The following FAM13C variants were observed in gnomAD, a reference collection of about 807,000 sequenced individuals.
The protein encoded by FAM13C is protein FAM13C.
In FAM13C, 37 loss-of-function variants were observed where a neutral mutation model predicts 73.2. The observed-to-expected ratio is 0.51, with a 90% CI of 0.39 to 0.67. FAM13C has a LOEUF of 0.67. Ranked by LOEUF, FAM13C falls within the 30% of genes least tolerant of loss-of-function variation. The pLI is 0.00. For synonymous variants in FAM13C, 246 were observed against 260.9 expected, an observed-to-expected ratio of 0.94 and a Z score of 0.55; for missense variants, 589 against 715.6, an observed-to-expected ratio of 0.82 and a Z score of 2.02.
intron 3 of FAM13C, among the ~76,000 whole-genome samples, chr10:59,332,185 A>G (rs1852080163): frequency 6.6e-6 from 1 of 152,152 alleles, no homozygotes. Flanking sequence ...TAATGTATAT[A>G]TAGTAAGAAC....
At chr10:59,283,691 G>C (rs284618) in intron 5 of FAM13C, 593,186 of 595,636 alleles carry the variant, frequency 1, 295,414 homozygotes, top group East Asian at 1. Context: ...CATGCAGGCT[G>C]AGTTTCTGCC....
chr10:59,274,608 G>A (rs931664499), intron 6 of FAM13C, among the ~76,000 whole-genome samples: 8 of 152,272 alleles, frequency 5.3e-5, no homozygotes, highest in African/African-American at 1.7e-4. Flanking sequence ...AACCCAAGAG[G>A]CAGTTTGCCA....
chr10:59,282,557 C>A (rs1845053506), intron 6 of FAM13C: 1 of 152,114 alleles, frequency 6.6e-6, no homozygotes, highest in Non-Finnish European at 1.5e-5. Context: ...GCCTTCAACT[C>A]CTAGAGATTA....
At chr10:59,355,181 T>TATTG in intron 2 of FAM13C, among the ~76,000 whole-genome samples, 2 of 152,140 alleles carry the variant, frequency 1.3e-5, no homozygotes, top group Non-Finnish European at 2.9e-5. Flanking sequence ...TTCTAGCCTA[T>TATTG]CTCCTCTAGC....
chr10:59,357,014 T>C (rs1385263748), intron 1 of FAM13C, among the ~76,000 whole-genome samples: 1 of 152,202 alleles, frequency 6.6e-6, no homozygotes, highest in East Asian at 1.9e-4. Context: ...CTTACACCAG[T>C]GATTTGCCAG....
At chr10:59,321,431 CCTTT>C (rs772005954) in intron 4 of FAM13C, among the ~76,000 whole-genome samples, 4,590 of 109,708 alleles carry the variant, frequency 0.042, 308 homozygotes, top group African/African-American at 0.11. Context: ...CCTGCCAACA[CCTTT>C]TTTTTTTTTT....
At chr10:59,270,700 A>T (rs1485793373) in intron 6 of FAM13C, among the ~76,000 whole-genome samples, 1 of 152,220 alleles carries the variant, frequency 6.6e-6, no homozygotes, top group Admixed American at 6.5e-5. Flanking sequence ...AAAACAAAAC[A>T]TTCTGTTTTA....
intron 4 of FAM13C, among the ~76,000 whole-genome samples, chr10:59,304,132 A>G (rs557778586): frequency 1.6e-4 from 25 of 152,266 alleles, no homozygotes; most frequent in Admixed American, 1.3e-3. Flanking sequence ...TGAGCGACGG[A>G]GTGAGACTCA....
intron 1 of FAM13C, among the ~76,000 whole-genome samples, chr10:59,360,055 T>A (rs1856204183): frequency 6.6e-6 from 1 of 152,182 alleles, no homozygotes; most frequent in African/African-American, 2.4e-5. Flanking sequence ...GCTGCATAGA[T>A]AGTGCCAGGG....
chr10:59,352,534 A>T (rs576429812), intron 2 of FAM13C, 60 bp from the exon 3 acceptor site: 3 of 1,474,422 alleles, frequency 2.0e-6, no homozygotes, highest in South Asian at 2.6e-5. Flanking sequence ...AAACTGCTGC[A>T]GGAAAGAGGG....
At chr10:59,269,770 T>G in intron 7 of FAM13C, 129 bp downstream of exon 7, 1 of 1,092,604 alleles carries the variant, frequency 9.2e-7, no homozygotes, top group Non-Finnish European at 1.3e-6. Context: ...TTGTCATTTA[T>G]TGTTCCAGTC....
intron 6 of FAM13C, among the ~76,000 whole-genome samples, chr10:59,279,028 C>A (rs1390932931): frequency 1.3e-5 from 2 of 152,200 alleles, no homozygotes; most frequent in Non-Finnish European, 2.9e-5. Context: ...ACCTGAAATG[C>A]TTTCCTATTC....
intron 3 of FAM13C, among the ~76,000 whole-genome samples, chr10:59,352,031 A>G (rs1293599031): frequency 1.3e-5 from 2 of 152,126 alleles, no homozygotes; most frequent in African/African-American, 2.4e-5. Flanking sequence ...ATTAAAAAAT[A>G]AATCAAAGTC....
At chr10:59,356,004 A>G (rs562866904) in intron 1 of FAM13C, 61 bp from the exon 2 acceptor site, 16 of 1,459,008 alleles carry the variant, frequency 1.1e-5, no homozygotes, top group Admixed American at 1.0e-4. Flanking sequence ...AGTAGTAGCA[A>G]TAATCTAGAA....
chr10:59,305,746 C>A (rs1848176013), intron 4 of FAM13C, among the ~76,000 whole-genome samples: 1 of 152,180 alleles, frequency 6.6e-6, no homozygotes, highest in South Asian at 2.1e-4. Flanking sequence ...CATGCCTGAA[C>A]AAACCAGCAT....
chr10:59,308,770 T>G (rs1379648115), intron 4 of FAM13C, among the ~76,000 whole-genome samples: 1 of 152,242 alleles, frequency 6.6e-6, no homozygotes, highest in African/African-American at 2.4e-5. Context: ...GACTACAAAC[T>G]TGTGGATAGC....
At chr10:59,318,564 G>C (rs1449944700) in intron 4 of FAM13C, among the ~76,000 whole-genome samples, 5 of 152,130 alleles carry the variant, frequency 3.3e-5, no homozygotes, top group African/African-American at 1.2e-4. Context: ...AGAAATTTGA[G>C]TGAAATGACC....
chr10:59,343,974 T>A (rs1232750153), intron 3 of FAM13C, among the ~76,000 whole-genome samples: 2 of 151,356 alleles, frequency 1.3e-5, no homozygotes, highest in African/African-American at 4.9e-5. Flanking sequence ...TTTTCTTTTT[T>A]TTTTTGAGAT....
In FAM13C at chr10:59,345,843, A is replaced by T. The variant is rs79024636; in HGVS notation, c.324+6427T>A. Reference sequence around the variant, plus strand: ...ACCTAATCAAAAACTGAAGTAAAACATGTAAACTGGAGCTACTAAATCATG... The same window carrying T: ...ACCTAATCAAAAACTGAAGTAAAACTTGTAAACTGGAGCTACTAAATCATG... On this transcript the variant is annotated intron_variant, in intron 3 of 13. Coordinates refer to ENST00000618804, the MANE Select transcript of FAM13C (RefSeq NM_198215.4). Among the ~76,000 whole-genome samples the T allele has an allele frequency of 1.4e-4, 21 of 152,378 alleles. No individual in the cohort carries two copies. In the East Asian group the frequency reaches 4.0e-3, roughly 29 times the overall value.
Sources: allele counts gnomAD v4.1 joint callset (sites outside exome capture counted in the v4.1 genomes callset), GRCh38; gene constraint gnomAD v4.1.1; transcripts MANE v1.5; gene names NCBI Gene and HGNC (gene_info 2026-07-23, HGNC 2026-07-21).